LRTM3: variants seen among roughly 807,000 people sequenced by gnomAD.
The protein encoded by LRTM3 is leucine rich repeat transmembrane protein 3, also known as leucine-rich repeat transmembrane protein 3.
chr13:102,732,643 A>C, the LRTM3 span: 1 of 1,551,150 alleles, frequency 6.4e-7, no homozygotes, highest in Non-Finnish European at 8.7e-7. Context: ...TCTTCATTTG[A>C]GATTCCTCTG....
chr13:102,743,734 C>A, the LRTM3 span: 1 of 1,549,830 alleles, frequency 6.5e-7, no homozygotes, highest in Non-Finnish European at 8.7e-7. Flanking sequence ...TACATTTCTT[C>A]CTATGTTTTC....
At chr13:102,734,160 C>G in the LRTM3 span, 3 of 1,551,306 alleles carry the variant, frequency 1.9e-6, no homozygotes, top group African/African-American at 4.1e-5. Flanking sequence ...GAAATCCTTG[C>G]CTCTTGGCAG....
the LRTM3 span, chr13:102,738,965 T>A: frequency 6.4e-7 from 1 of 1,550,536 alleles, no homozygotes; most frequent in East Asian, 2.4e-5. Context: ...ATGTTTTGCT[T>A]TTTCAATACT....
At chr13:102,758,460 G>C in the LRTM3 span, 1 of 1,538,854 alleles carries the variant, frequency 6.5e-7, no homozygotes, top group Non-Finnish European at 8.8e-7. Context: ...GAGCTGAATA[G>C]GAATAAAAAA....
chr13:102,739,919 C>A, the LRTM3 span: 1 of 1,550,322 alleles, frequency 6.5e-7, no homozygotes, highest in Non-Finnish European at 8.7e-7. Context: ...ACTTGAGGCA[C>A]CACAGTCACT....
chr13:102,730,571 G>A, the LRTM3 span: 7 of 1,551,796 alleles, frequency 4.5e-6, no homozygotes, highest in Admixed American at 2.0e-5. Flanking sequence ...TTTCTTCCTC[G>A]GGCTGTGCAG....
chr13:102,731,369 A>G, the LRTM3 span: 4 of 1,551,344 alleles, frequency 2.6e-6, no homozygotes, highest in South Asian at 1.2e-5. Flanking sequence ...ATAAAAGTTG[A>G]ACATTTGTAA....
the LRTM3 span, chr13:102,758,687 A>G: frequency 6.6e-7 from 1 of 1,523,962 alleles, no homozygotes. Context: ...GGGGAAATCA[A>G]CCATTTATTC....
the LRTM3 span, chr13:102,743,749 A>G: frequency 6.5e-7 from 1 of 1,550,284 alleles, no homozygotes. Context: ...GTTTTCTGGT[A>G]GACTCTCTAT....
chr13:102,739,206 G>A, the LRTM3 span: 25 of 1,549,888 alleles, frequency 1.6e-5, no homozygotes, highest in African/African-American at 5.5e-5. Flanking sequence ...TTATTGCTCC[G>A]TTGTGGTTCT....
the LRTM3 span, chr13:102,746,079 G>C: frequency 6.4e-7 from 1 of 1,551,070 alleles, no homozygotes; most frequent in East Asian, 2.4e-5. Context: ...TTGGCTTTTT[G>C]TAGTTCTTCA....
At chr13:102,736,394 C>T in the LRTM3 span, 6 of 1,550,966 alleles carry the variant, frequency 3.9e-6, no homozygotes, top group Non-Finnish European at 5.2e-6. Context: ...GTGCATCAGG[C>T]CATGCATGGA....
At chr13:102,758,464 T>C in the LRTM3 span, 2 of 1,540,142 alleles carry the variant, frequency 1.3e-6, no homozygotes, top group South Asian at 1.2e-5. Context: ...TGAATAGGAA[T>C]AAAAAAGTCA....
At chr13:102,740,662 C>A in the LRTM3 span, 1 of 1,548,246 alleles carries the variant, frequency 6.5e-7, no homozygotes, top group South Asian at 1.2e-5. Context: ...CATCTAATTT[C>A]TCTTGTTGCA....
At chr13:102,731,427 C>T in the LRTM3 span, 20 of 1,551,290 alleles carry the variant, frequency 1.3e-5, no homozygotes, top group Admixed American at 3.9e-5. Context: ...ATTTCAAGTG[C>T]TTTTGACTCT....
At chr13:102,747,481 T>A in the LRTM3 span, 6 of 1,549,834 alleles carry the variant, frequency 3.9e-6, no homozygotes, top group Non-Finnish European at 5.2e-6. Context: ...TTTTTTTAAT[T>A]TCCTGCCTTT....
the LRTM3 span, chr13:102,734,553 C>G: frequency 1.0e-5 from 16 of 1,551,224 alleles, no homozygotes; most frequent in Non-Finnish European, 1.2e-5. Context: ...AAAGTTATAT[C>G]TGTGCCTCTC....
At chr13:102,740,179 TAA>T in the LRTM3 span, 2 of 1,548,190 alleles carry the variant, frequency 1.3e-6, no homozygotes. Context: ...TATTTGATAT[TAA>T]ATCAAAGACC....
the LRTM3 span, chr13:102,746,056 AT>A: frequency 6.4e-7 from 1 of 1,551,074 alleles, no homozygotes; most frequent in South Asian, 1.2e-5. Flanking sequence ...CTTTTATGTC[AT>A]TTTCTGTTTC....
Sources: allele counts gnomAD v4.1 joint callset, GRCh38; gene constraint gnomAD v4.1.1; transcripts MANE v1.5; gene names NCBI Gene and HGNC (gene_info 2026-07-23, HGNC 2026-07-21).